CNTN5: variants seen among roughly 807,000 people sequenced by gnomAD.
The protein encoded by CNTN5 is contactin 5, also known as contactin-5.
In CNTN5, 77 loss-of-function variants were observed where a neutral mutation model predicts 129.1. The ratio of observed to expected loss-of-function variants is 0.60; its 90% CI spans 0.50 to 0.72. The LOEUF is 0.72. Ranked by LOEUF, CNTN5 falls within the 30% of genes least tolerant of loss-of-function variation. The pLI is 0.00. For missense variants in CNTN5, 1,478 were observed against 1,328.8 expected (o/e 1.11, Z -1.75); for synonymous variants, 509 against 465.6 (o/e 1.09, Z -1.20).
chr11:99,237,596 G>A (rs996431256), intron 1 of CNTN5, among the ~76,000 whole-genome samples: 64 of 152,144 alleles, frequency 4.2e-4, no homozygotes, highest in African/African-American at 1.5e-3. Flanking sequence ...CAGGGGAATC[G>A]TTTGAACCCG....
chr11:99,978,871 A>G (rs541067128), intron 8 of CNTN5, among the ~76,000 whole-genome samples: 1 of 152,182 alleles, frequency 6.6e-6, no homozygotes, highest in Non-Finnish European at 1.5e-5. Context: ...AATTGTGATG[A>G]TCATCATCAG....
chr11:99,185,385 A>G (rs1419270889), intron 1 of CNTN5, among the ~76,000 whole-genome samples: 1 of 151,956 alleles, frequency 6.6e-6, no homozygotes, highest in Non-Finnish European at 1.5e-5. Flanking sequence ...TGATAGGTTA[A>G]GAAGTAATCT....
At chr11:100,105,588 T>G (rs969847998) in intron 13 of CNTN5, among the ~76,000 whole-genome samples, 2 of 152,204 alleles carry the variant, frequency 1.3e-5, no homozygotes, top group Non-Finnish European at 2.9e-5. Context: ...TACGGTAAGA[T>G]GACCACAAAC....
chr11:99,654,590 C>T (rs761610713), intron 3 of CNTN5, among the ~76,000 whole-genome samples: 1 of 151,980 alleles, frequency 6.6e-6, no homozygotes, highest in Admixed American at 6.6e-5. Context: ...GGTGAAGTTA[C>T]TGAGTTGGGT....
At chr11:99,320,226 A>G (rs1048656989) in intron 1 of CNTN5, among the ~76,000 whole-genome samples, 48 of 152,192 alleles carry the variant, frequency 3.2e-4, no homozygotes, top group African/African-American at 1.1e-3. Context: ...TGGGCAACAG[A>G]GCAAGACTCC....
At chr11:99,386,038 T>G (rs1940904842) in intron 2 of CNTN5, among the ~76,000 whole-genome samples, 1 of 152,220 alleles carries the variant, frequency 6.6e-6, no homozygotes, top group Non-Finnish European at 1.5e-5. Context: ...AAGAAATCTC[T>G]GAAGACAAAG....
At chr11:99,606,822 A>G (rs1429836089) in intron 3 of CNTN5, among the ~76,000 whole-genome samples, 1 of 140,632 alleles carries the variant, frequency 7.1e-6, no homozygotes, top group Non-Finnish European at 1.6e-5. Context: ...ATCTTTGACA[A>G]ACCTGAGAAA....
intron 2 of CNTN5, among the ~76,000 whole-genome samples, chr11:99,366,281 A>G (rs74707912): frequency 0.012 from 1,871 of 152,256 alleles, 39 homozygotes; most frequent in African/African-American, 0.039. Context: ...CGATTTTGCT[A>G]CTGCTCTTCT....
intron 1 of CNTN5, among the ~76,000 whole-genome samples, chr11:99,321,654 C>CCTTTCCTAAT (rs1380433174): frequency 1.3e-5 from 2 of 152,000 alleles, no homozygotes; most frequent in African/African-American, 2.4e-5. Flanking sequence ...AAAGGGAAAC[C>CCTTTCCTAAT]CACACCTAAG....
Position 99,808,030 on chromosome 11 carries a change from A to G in CNTN5, c.56-11514A>G, listed in dbSNP as rs148202917. ...GACCCTGAAGGCAACACCAAGAGAA[A>G]TACATGTTAGCTGATTCTCATACCG... is the stretch of plus-strand genomic sequence containing the variant. On this transcript the variant is annotated intron_variant, in intron 3 of 24. Coordinates refer to ENST00000524871, the MANE Select transcript of CNTN5 (RefSeq NM_014361.4). 1.1e-3 allele frequency among the ~76,000 whole-genome samples: 173 copies of G among 152,292 alleles called. 1 individual carries two copies. The highest frequency in any genetic ancestry group is 0.01 in the Middle Eastern group (3 of 294).
chr11:99,790,417 G>A (rs917972247), intron 3 of CNTN5, among the ~76,000 whole-genome samples: 1 of 151,952 alleles, frequency 6.6e-6, no homozygotes, highest in Non-Finnish European at 1.5e-5. Flanking sequence ...GTAAGACCAT[G>A]CTGTATTTGG....
intron 2 of CNTN5, among the ~76,000 whole-genome samples, chr11:99,402,796 G>A (rs1941879541): frequency 6.6e-6 from 1 of 152,052 alleles, no homozygotes; most frequent in Non-Finnish European, 1.5e-5. Context: ...GTTCAATTTG[G>A]TAGGTTGTAT....
intron 3 of CNTN5, among the ~76,000 whole-genome samples, chr11:99,727,366 T>C (rs1943386506): frequency 6.8e-6 from 1 of 147,932 alleles, no homozygotes; most frequent in Admixed American, 6.8e-5. Context: ...TTGTGTGTTA[T>C]TAGAATATTG....
intron 3 of CNTN5, among the ~76,000 whole-genome samples, chr11:99,575,935 G>T (rs903446004): frequency 6.6e-6 from 1 of 152,048 alleles, no homozygotes; most frequent in African/African-American, 2.4e-5. Context: ...GAACCAATAG[G>T]GGCAACCCAC....
chr11:99,648,323 G>C (rs563998527), intron 3 of CNTN5, among the ~76,000 whole-genome samples: 2 of 151,540 alleles, frequency 1.3e-5, no homozygotes, highest in African/African-American at 2.4e-5. Flanking sequence ...AAAATGTTCA[G>C]CATTACTAAT....
At chr11:99,802,108 G>A (rs1946132296) in intron 3 of CNTN5, among the ~76,000 whole-genome samples, 1 of 152,178 alleles carries the variant, frequency 6.6e-6, no homozygotes, top group Non-Finnish European at 1.5e-5. Flanking sequence ...CAGGGTGTAT[G>A]ACTGTAGAGA....
chr11:99,771,519 A>T (rs1290207304), intron 3 of CNTN5, among the ~76,000 whole-genome samples: 2 of 152,038 alleles, frequency 1.3e-5, no homozygotes, highest in Non-Finnish European at 2.9e-5. Context: ...AAACTGGAGG[A>T]TATTATGTTA....
chr11:99,654,147 TG>T (rs1242179930), intron 3 of CNTN5, among the ~76,000 whole-genome samples: 3 of 152,038 alleles, frequency 2.0e-5, no homozygotes. Flanking sequence ...GAATTTTGAG[TG>T]ATTACTAGGT....
At chr11:100,295,958 C>T (rs1951091624) in intron 18 of CNTN5, among the ~76,000 whole-genome samples, 1 of 151,218 alleles carries the variant, frequency 6.6e-6, no homozygotes, top group African/African-American at 2.4e-5. Flanking sequence ...AACAAAAATA[C>T]TAAGAGAAGC....
Sources: gnomAD v4.1 joint callset for allele counts (sites outside exome capture counted in the v4.1 genomes callset) on GRCh38, gnomAD v4.1.1 for gene constraint, MANE v1.5 for transcripts, NCBI Gene and HGNC (gene_info 2026-07-23, HGNC 2026-07-21) for gene names.